FGF12: variants seen among roughly 807,000 people sequenced by gnomAD.
FGF12 encodes fibroblast growth factor 12B.
FGF12 carries 14 observed loss-of-function variants against 23.6 expected under a neutral mutation model. The ratio of observed to expected loss-of-function variants is 0.59; its 90% CI spans 0.39 to 0.93. FGF12 has a LOEUF of 0.93. FGF12 is among the 40% of genes least tolerant of loss of function. FGF12 has a pLI of 0.00. For synonymous variants in FGF12, 62 were observed against 77.3 expected, an observed-to-expected ratio of 0.80 and a Z score of 1.04; for missense variants, 175 against 217.8, an observed-to-expected ratio of 0.80 and a Z score of 1.24.
chr3:192,725,665 G>A (rs1336413078), intron 2 of FGF12, among the ~76,000 whole-genome samples: 1 of 152,094 alleles, frequency 6.6e-6, no homozygotes, highest in Non-Finnish European at 1.5e-5. Context: ...CTGTTACCAA[G>A]AACCTTTGTC....
intron 2 of FGF12, among the ~76,000 whole-genome samples, chr3:192,492,128 A>G (rs911854880): frequency 6.6e-6 from 1 of 152,214 alleles, no homozygotes; most frequent in Non-Finnish European, 1.5e-5. Context: ...AAAACTTTAT[A>G]AAGGACACTT....
At chr3:192,629,947 G>C (rs977650405) in intron 2 of FGF12, among the ~76,000 whole-genome samples, 1 of 152,192 alleles carries the variant, frequency 6.6e-6, no homozygotes, top group Non-Finnish European at 1.5e-5. Flanking sequence ...GAGATAGTCT[G>C]GATGAGCTCC....
chr3:192,222,324 C>A (rs1325634054), intron 4 of FGF12, among the ~76,000 whole-genome samples: 1 of 152,144 alleles, frequency 6.6e-6, no homozygotes, highest in Non-Finnish European at 1.5e-5. Flanking sequence ...AAATAAGGTT[C>A]TTCGGCTGTA....
At chr3:192,451,080 A>G (rs779783223) in intron 2 of FGF12, among the ~76,000 whole-genome samples, 7 of 152,218 alleles carry the variant, frequency 4.6e-5, no homozygotes, top group Non-Finnish European at 1.0e-4. Context: ...TGGTGACTAC[A>G]TATGTATCTT....
chr3:192,174,742 T>TAAA (rs796236664), intron 4 of FGF12, among the ~76,000 whole-genome samples: 1 of 132,760 alleles, frequency 7.5e-6, no homozygotes, highest in Non-Finnish European at 1.6e-5. Flanking sequence ...ACACGTGGAG[T>TAAA]AAAAAAAAAA....
rs28607802 is a variant in FGF12 at position 192,576,800 on chromosome 3, C to T, written c.13+150381G>A. Reference sequence around the variant, plus strand: ...TATTCACAATAGCAAAGACTTGGAACCAACCCAAATGCCCATCAGTGATAG... The same window carrying T: ...TATTCACAATAGCAAAGACTTGGAATCAACCCAAATGCCCATCAGTGATAG... On this transcript the variant is annotated intron_variant, in intron 2 of 5. Transcript: ENST00000445105. 4.3e-3 allele frequency among the ~76,000 whole-genome samples: 649 copies of T among 152,198 alleles called. 2 individuals carry two copies. The highest frequency in any genetic ancestry group is 9.6e-3 in the South Asian group (46 of 4,810).
rs1716403404 is a variant in FGF12 at position 192,185,448 on chromosome 3, G to C, written c.229-14792C>G. On this transcript the variant is annotated intron_variant, in intron 4 of 5. Coordinates refer to ENST00000445105, the MANE Select transcript of FGF12 (RefSeq NM_004113.6). ...GTAACGGCTTATGAAGCCTATTACA[G>C]ATAGCTTCCAGCAGTAGACTTTCTA... Among the ~76,000 whole-genome samples the C allele has an allele frequency of 3.3e-5, 5 of 152,264 alleles. 1 individual carries two copies. In the South Asian group the frequency reaches 1.0e-3, roughly 32 times the overall value.
intron 3 of FGF12, among the ~76,000 whole-genome samples, chr3:192,350,741 G>A (rs145491675): frequency 3.9e-5 from 6 of 152,234 alleles, no homozygotes; most frequent in East Asian, 1.9e-4. Flanking sequence ...AGGAGACAAC[G>A]GGTGAGATTA....
intron 2 of FGF12, among the ~76,000 whole-genome samples, chr3:192,638,889 A>G (rs1715683396): frequency 1.3e-5 from 2 of 152,214 alleles, no homozygotes; most frequent in South Asian, 4.1e-4. Flanking sequence ...AAAACACCTA[A>G]TTTAATAGAA....
At position 192,626,371 on chromosome 3, in the gene FGF12, A is replaced by G. The variant is rs1715169414; in HGVS notation, c.13+100810T>C. 2.0e-5 allele frequency among the ~76,000 whole-genome samples: 3 copies of G among 152,132 alleles called. No individual in the cohort carries two copies. The South Asian group carries it at 6.2e-4, about 32-fold the overall frequency. ...CAGGATCAAATCATATTCCTTAAGT[A>G]TACACCCTATATTTGGGCATAGTTA... On this transcript the variant is annotated intron_variant, in intron 2 of 5. Coordinates refer to ENST00000445105, the MANE Select transcript of FGF12 (RefSeq NM_004113.6).
chr3:192,498,546 T>C (rs1724027976), intron 2 of FGF12, among the ~76,000 whole-genome samples: 1 of 152,082 alleles, frequency 6.6e-6, no homozygotes, highest in African/African-American at 2.4e-5. Flanking sequence ...CCTTTAATAA[T>C]AGAAGTCAGT....
chr3:192,444,275 G>C (rs984092750), intron 2 of FGF12, among the ~76,000 whole-genome samples: 5 of 152,124 alleles, frequency 3.3e-5, no homozygotes, highest in African/African-American at 1.2e-4. Context: ...AAAGATTTGA[G>C]CTCACTTTTT....
chr3:192,476,712 C>G (rs941810394), intron 2 of FGF12, among the ~76,000 whole-genome samples: 2 of 152,136 alleles, frequency 1.3e-5, no homozygotes, highest in African/African-American at 4.8e-5. Flanking sequence ...AGAGAAGTAC[C>G]TAGCAGTCTA....
chr3:192,167,769 A>ATATCTATATAT (rs1553845519), intron 5 of FGF12, among the ~76,000 whole-genome samples: 1 of 38,842 alleles, frequency 2.6e-5, no homozygotes, highest in Non-Finnish European at 4.0e-5. Flanking sequence ...ATATATATAT[A>ATATCTATATAT]AAATTTTTTT....
chr3:192,688,877 G>T (rs1352993942), intron 2 of FGF12, among the ~76,000 whole-genome samples: 1 of 151,864 alleles, frequency 6.6e-6, no homozygotes, highest in Non-Finnish European at 1.5e-5. Flanking sequence ...ATAAAATGTG[G>T]GATATATATA....
intron 2 of FGF12, among the ~76,000 whole-genome samples, chr3:192,550,751 A>G (rs1725613442): frequency 6.6e-6 from 1 of 152,216 alleles, no homozygotes; most frequent in Non-Finnish European, 1.5e-5. Flanking sequence ...ATACATAACC[A>G]AAGAGTTCAG....
At chr3:192,186,382 T>G (rs957120118) in intron 4 of FGF12, among the ~76,000 whole-genome samples, 3 of 152,346 alleles carry the variant, frequency 2.0e-5, no homozygotes, top group Admixed American at 2.0e-4. Flanking sequence ...GCATAAAGCC[T>G]TAGACAAATG....
intron 2 of FGF12, among the ~76,000 whole-genome samples, chr3:192,448,749 T>C (rs1722434076): frequency 6.6e-6 from 1 of 152,222 alleles, no homozygotes; most frequent in Non-Finnish European, 1.5e-5. Context: ...TGAGTAAATG[T>C]ATTCTGGCAT....
Position 192,226,493 on chromosome 3 carries a change from C to T in FGF12, c.229-55837G>A, listed in dbSNP as rs1162637877. Among the ~76,000 whole-genome samples the T allele has an allele frequency of 2.6e-5, 4 of 152,222 alleles. No individual in the cohort carries two copies. The East Asian group carries it at 5.8e-4, about 22-fold the overall frequency. ...TACTGCAGCCATTAATAAGTAAGCA[C>T]ACATCTATGTATAATGCACACACAA... On this transcript the variant is annotated intron_variant, in intron 4 of 5. Coordinates refer to ENST00000445105, the MANE Select transcript of FGF12 (RefSeq NM_004113.6).
Sources: gnomAD v4.1 joint callset for allele counts (sites outside exome capture counted in the v4.1 genomes callset) on GRCh38, gnomAD v4.1.1 for gene constraint, MANE v1.5 for transcripts, NCBI Gene and HGNC (gene_info 2026-07-23, HGNC 2026-07-21) for gene names.